The following DGKB variants were observed in gnomAD, a reference collection of about 807,000 sequenced individuals.
DGKB encodes diacylglycerol kinase beta, also known as 90 kDa diacylglycerol kinase.
Under a neutral mutation model 114.3 loss-of-function variants are expected in DGKB, and 67 were observed. The ratio of observed to expected loss-of-function variants is 0.59; its 90% CI spans 0.48 to 0.72. The LOEUF (loss-of-function observed/expected upper bound fraction) is 0.72, where lower values mean the gene tolerates loss of function less well. Ranked by LOEUF, DGKB falls within the 30% of genes least tolerant of loss-of-function variation. The probability of loss-of-function intolerance (pLI) is 0.00; values close to 1 mark genes in which losing one functional copy is unlikely to be tolerated. For missense variants in DGKB, 907 were observed against 975.2 expected (o/e 0.93, Z 0.93); for synonymous variants, 398 against 323.1 (o/e 1.23, Z -2.49).
At chr7:14,738,920 CA>C (rs1188618538) in intron 4 of DGKB, among the ~76,000 whole-genome samples, 1 of 152,160 alleles carries the variant, frequency 6.6e-6, no homozygotes, top group Non-Finnish European at 1.5e-5. Flanking sequence ...CAAACAAAAA[CA>C]AAGAGTTCAG....
At chr7:14,544,781 G>C (rs1310243961) in intron 20 of DGKB, among the ~76,000 whole-genome samples, 2 of 152,068 alleles carry the variant, frequency 1.3e-5, no homozygotes, top group Non-Finnish European at 2.9e-5. Flanking sequence ...CTAGGACAGG[G>C]TGTTAAATTC....
chr7:14,723,967 G>C (rs574259532), intron 5 of DGKB, among the ~76,000 whole-genome samples: 1 of 152,084 alleles, frequency 6.6e-6, no homozygotes, highest in Non-Finnish European at 1.5e-5. Context: ...TAGCAGATAA[G>C]TTTTGGGTAG....
At chr7:14,561,489 C>G (rs1036203041) in intron 20 of DGKB, among the ~76,000 whole-genome samples, 2 of 152,018 alleles carry the variant, frequency 1.3e-5, no homozygotes, top group South Asian at 2.1e-4. Context: ...GAAGATGGAA[C>G]AGTTTGGAGG....
intron 23 of DGKB, among the ~76,000 whole-genome samples, chr7:14,205,426 T>A (rs1786618833): frequency 1.3e-5 from 2 of 152,032 alleles, no homozygotes; most frequent in Admixed American, 6.6e-5. Context: ...TGGGGACACC[T>A]CATATCATCT....
intron 23 of DGKB, among the ~76,000 whole-genome samples, chr7:14,189,106 G>A (rs954933509): frequency 4.6e-5 from 7 of 152,134 alleles, no homozygotes; most frequent in Admixed American, 6.5e-5. Context: ...AAAACTCACC[G>A]TAGAGTAAGT....
chr7:14,389,063 T>A (rs1042940739), intron 21 of DGKB, among the ~76,000 whole-genome samples: 1 of 152,210 alleles, frequency 6.6e-6, no homozygotes, highest in African/African-American at 2.4e-5. Context: ...TTTTTGCTGC[T>A]ATTGCTGAGG....
At chr7:14,233,097 G>A (rs1338581419) in intron 23 of DGKB, among the ~76,000 whole-genome samples, 1 of 152,050 alleles carries the variant, frequency 6.6e-6, no homozygotes, top group Non-Finnish European at 1.5e-5. Flanking sequence ...TTCTTGAGGT[G>A]TCTTGGCTTG....
At chr7:14,152,712 T>C (rs548729458) in intron 25 of DGKB, among the ~76,000 whole-genome samples, 1 of 152,240 alleles carries the variant, frequency 6.6e-6, no homozygotes, top group East Asian at 1.9e-4. Flanking sequence ...GATGCACATA[T>C]AGAAACCAGT....
intron 13 of DGKB, among the ~76,000 whole-genome samples, chr7:14,642,354 C>A (rs1407981086): frequency 1.3e-5 from 2 of 151,940 alleles, no homozygotes; most frequent in African/African-American, 4.8e-5. Context: ...CATCCTTTTT[C>A]TTTATTTTTG....
intron 1 of DGKB, among the ~76,000 whole-genome samples, chr7:14,967,454 G>C (rs1787219901): frequency 6.6e-6 from 1 of 151,788 alleles, no homozygotes; most frequent in African/African-American, 2.4e-5. Context: ...CCAAGTAGCT[G>C]GGATTGTAGG....
At chr7:14,202,666 G>T in intron 23 of DGKB, among the ~76,000 whole-genome samples, 1 of 151,722 alleles carries the variant, frequency 6.6e-6, no homozygotes, top group Non-Finnish European at 1.5e-5. Context: ...TAAATGTTTT[G>T]TGTTTTCAAA....
chr7:14,315,539 C>T (rs967128693), intron 23 of DGKB, among the ~76,000 whole-genome samples: 3 of 151,230 alleles, frequency 2.0e-5, no homozygotes, highest in African/African-American at 7.4e-5. Context: ...ACAAAGAAGG[C>T]CATTACATAA....
chr7:14,784,164 C>T (rs1562525648), intron 2 of DGKB, among the ~76,000 whole-genome samples: 1 of 151,672 alleles, frequency 6.6e-6, no homozygotes, highest in Non-Finnish European at 1.5e-5. Flanking sequence ...TTTTTTACTA[C>T]AATCTACTGA....
intron 19 of DGKB, among the ~76,000 whole-genome samples, chr7:14,577,952 T>C (rs1016702578): frequency 3.9e-5 from 6 of 152,160 alleles, no homozygotes; most frequent in Non-Finnish European, 7.3e-5. Context: ...ACACAAACAT[T>C]GATATGGTTT....
At chr7:14,482,333 T>A (rs760034897) in intron 20 of DGKB, among the ~76,000 whole-genome samples, 1 of 152,054 alleles carries the variant, frequency 6.6e-6, no homozygotes, top group Non-Finnish European at 1.5e-5. Context: ...TTAAATAAAT[T>A]GCATAATCTT....
intron 1 of DGKB, among the ~76,000 whole-genome samples, chr7:14,955,149 A>T (rs1786428996): frequency 6.6e-6 from 1 of 152,086 alleles, no homozygotes; most frequent in Admixed American, 6.6e-5. Flanking sequence ...ATAGAATAAA[A>T]TTAGGAGATA....
chr7:14,762,003 G>A (rs1562469831), intron 2 of DGKB, among the ~76,000 whole-genome samples: 1 of 152,102 alleles, frequency 6.6e-6, no homozygotes, highest in Admixed American at 6.6e-5. Context: ...TGCTTGGCTT[G>A]ACTGGCAGGG....
intron 6 of DGKB, among the ~76,000 whole-genome samples, chr7:14,711,107 C>A (rs1434129624): frequency 6.6e-6 from 1 of 151,940 alleles, no homozygotes; most frequent in African/African-American, 2.4e-5. Context: ...CAGTTGATTC[C>A]AGTAGGAAGG....
intron 21 of DGKB, among the ~76,000 whole-genome samples, chr7:14,437,679 A>C (rs1417731647): frequency 6.6e-6 from 1 of 151,800 alleles, no homozygotes; most frequent in Non-Finnish European, 1.5e-5. Context: ...ATTGTCTTCA[A>C]GGTAATCTCT....
Sources: allele counts gnomAD v4.1 joint callset (sites outside exome capture counted in the v4.1 genomes callset), GRCh38; gene constraint gnomAD v4.1.1; transcripts MANE v1.5; gene names NCBI Gene and HGNC (gene_info 2026-07-23, HGNC 2026-07-21).